Variants in ROBO1 observed in about 807,000 individuals in gnomAD.
ROBO1 encodes the protein roundabout guidance receptor 1.
A neutral mutation model predicts 195.9 loss-of-function variants in ROBO1; 149 were observed. The observed-to-expected ratio is 0.76, with a 90% confidence interval of 0.67 to 0.87. The LOEUF is 0.87. Ranked by LOEUF, ROBO1 falls within the 40% of genes least tolerant of loss-of-function variation. The pLI is 0.00. For missense variants in ROBO1, 1,933 were observed against 2,068.3 expected (o/e 0.93, Z 1.27); for synonymous variants, 816 against 733.2 (o/e 1.11, Z -1.82).
chr3:78,864,817 T>C (rs1163239671), intron 4 of ROBO1, among the ~76,000 whole-genome samples: 2 of 151,888 alleles, frequency 1.3e-5, no homozygotes, highest in Non-Finnish European at 2.9e-5. Flanking sequence ...AAAAAAAAGA[T>C]TTTTCTTTCA....
chr3:79,696,035 G>C lies in ROBO1; in HGVS notation c.-51+71717C>G, dbSNP rs887141076. On this transcript the variant is annotated intron_variant, in intron 1 of 30. Coordinates refer to ENST00000464233, the MANE Select transcript of ROBO1 (RefSeq NM_002941.4). ...GACATTATCTACTTTCTTGAACACT[G>C]TAATAAAAATGAGAATGTGGGAGGG... Among the ~76,000 whole-genome samples the C allele has an allele frequency of 5.3e-5, 8 of 151,468 alleles. No individual in the cohort carries two copies. The East Asian group carries it at 1.6e-3, about 29-fold the overall frequency.
chr3:79,051,391 G>A (rs2078695004), intron 3 of ROBO1, among the ~76,000 whole-genome samples: 1 of 152,088 alleles, frequency 6.6e-6, no homozygotes, highest in East Asian at 1.9e-4. Flanking sequence ...CAAATAACAG[G>A]CTTTGAACTT....
At chr3:78,697,871 C>T (rs1454834667) in intron 8 of ROBO1, among the ~76,000 whole-genome samples, 1 of 151,844 alleles carries the variant, frequency 6.6e-6, no homozygotes, top group Non-Finnish European at 1.5e-5. Flanking sequence ...TATTGTAAAG[C>T]GAATGCATCT....
At chr3:79,260,221 A>T (rs996484034) in intron 2 of ROBO1, among the ~76,000 whole-genome samples, 2 of 151,998 alleles carry the variant, frequency 1.3e-5, no homozygotes, top group African/African-American at 4.8e-5. Flanking sequence ...CTGGGAAATT[A>T]TGTATAAAAT....
At chr3:78,711,425 TTC>T (rs1277642143) in intron 8 of ROBO1, among the ~76,000 whole-genome samples, 1 of 114,902 alleles carries the variant, frequency 8.7e-6, no homozygotes, top group Non-Finnish European at 1.7e-5. Context: ...CTTTCTTTCT[TTC>T]TTTCTTTCTT....
At chr3:78,998,612 C>T (rs1392933187) in intron 3 of ROBO1, among the ~76,000 whole-genome samples, 1 of 152,050 alleles carries the variant, frequency 6.6e-6, no homozygotes, top group Admixed American at 6.6e-5. Flanking sequence ...CCTTGTTGTC[C>T]ATGTTAGTCT....
intron 2 of ROBO1, among the ~76,000 whole-genome samples, chr3:79,564,643 A>T (rs2107723300): frequency 6.6e-6 from 1 of 152,118 alleles, no homozygotes; most frequent in East Asian, 1.9e-4. Flanking sequence ...TATGAGTCAA[A>T]CTTTCTTGAT....
intron 4 of ROBO1, among the ~76,000 whole-genome samples, chr3:78,907,273 A>C (rs2037979328): frequency 1.3e-5 from 2 of 152,074 alleles, no homozygotes; most frequent in Admixed American, 1.3e-4. Context: ...AAAAACAATG[A>C]GAATCACAAA....
intron 4 of ROBO1, among the ~76,000 whole-genome samples, chr3:78,927,013 T>C (rs533266817): frequency 5.3e-5 from 8 of 152,188 alleles, no homozygotes; most frequent in Non-Finnish European, 1.0e-4. Context: ...ACTATGTCAA[T>C]TGCTGACAAG....
chr3:78,940,873 A>G (rs2040093612), intron 3 of ROBO1, among the ~76,000 whole-genome samples: 1 of 152,224 alleles, frequency 6.6e-6, no homozygotes, highest in African/African-American at 2.4e-5. Context: ...CATGTGTTGA[A>G]TAAATGACAA....
intron 2 of ROBO1, among the ~76,000 whole-genome samples, chr3:79,209,534 G>A (rs1465499400): frequency 2.6e-5 from 4 of 152,028 alleles, no homozygotes; most frequent in Non-Finnish European, 5.9e-5. Flanking sequence ...TGGGGTTGCT[G>A]AATCAAATGA....
At chr3:79,634,056 G>A (rs1280616766) in intron 1 of ROBO1, among the ~76,000 whole-genome samples, 1 of 152,158 alleles carries the variant, frequency 6.6e-6, no homozygotes, top group African/African-American at 2.4e-5. Flanking sequence ...GAATATTATT[G>A]AGCTCTGACT....
Position 78,807,702 on chromosome 3 carries a change from T to C in ROBO1, c.500-60802A>G, listed in dbSNP as rs180768790. Among the ~76,000 whole-genome samples, 47 of 152,284 alleles carry C rather than the reference T, an allele frequency of 3.1e-4. 1 individual carries two copies. Among genetic ancestry groups the C allele is most frequent in the Admixed American group, 2.7e-3 (41 of 15,296 alleles). ...AAAAACAAAAGCTTATGAGAACATA[T>C]GGTTGCATCCTTTTAACTTTAATTT... On this transcript the variant is annotated intron_variant, in intron 4 of 30. Coordinates refer to ENST00000464233, the MANE Select transcript of ROBO1 (RefSeq NM_002941.4).
chr3:79,071,582 T>C (rs2079090009), intron 3 of ROBO1, among the ~76,000 whole-genome samples: 2 of 151,826 alleles, frequency 1.3e-5, no homozygotes, highest in South Asian at 2.1e-4. Context: ...GTGTCCTGTA[T>C]GTCTTTAATT....
chr3:79,750,627 A>T (rs1057269191), intron 1 of ROBO1, among the ~76,000 whole-genome samples: 3 of 152,144 alleles, frequency 2.0e-5, no homozygotes, highest in African/African-American at 4.8e-5. Context: ...ATCTCCTGAG[A>T]TCTGATGGCT....
intron 1 of ROBO1, among the ~76,000 whole-genome samples, chr3:79,729,219 C>T (rs1560137762): frequency 6.6e-6 from 1 of 152,072 alleles, no homozygotes; most frequent in Non-Finnish European, 1.5e-5. Flanking sequence ...TTCTTTACAA[C>T]TAACTTTGAA....
chr3:78,920,020 G>T lies in ROBO1; in HGVS notation c.499+18581C>A, dbSNP rs542690505. On this transcript the variant is annotated intron_variant, in intron 4 of 30. Coordinates refer to ENST00000464233, the MANE Select transcript of ROBO1 (RefSeq NM_002941.4). ...TTAAATGTAAAACAATCCTAACATT[G>T]TACTGATTGTTATCTATGATTCAGT... is the stretch of plus-strand genomic sequence containing the variant. Among the ~76,000 whole-genome samples, 3 of 152,308 alleles carry T rather than the reference G, an allele frequency of 2.0e-5. No homozygotes were observed. In the East Asian group the frequency reaches 5.8e-4, roughly 29 times the overall value.
At chr3:78,672,346 AG>A (rs1308095295) in intron 10 of ROBO1, among the ~76,000 whole-genome samples, 1 of 152,130 alleles carries the variant, frequency 6.6e-6, no homozygotes, top group Non-Finnish European at 1.5e-5. Context: ...TGGGTGGCCA[AG>A]TAAGGTGGAT....
intron 26 of ROBO1, among the ~76,000 whole-genome samples, chr3:78,618,719 CT>C (rs1388626262): frequency 5.3e-5 from 8 of 152,012 alleles, no homozygotes; most frequent in African/African-American, 1.7e-4. Flanking sequence ...GTTATTCTAT[CT>C]TTTTTAAAAA....
Sources: gnomAD v4.1 joint callset for allele counts (sites outside exome capture counted in the v4.1 genomes callset) on GRCh38, gnomAD v4.1.1 for gene constraint, MANE v1.5 for transcripts, NCBI Gene and HGNC (gene_info 2026-07-23, HGNC 2026-07-21) for gene names.